The following BHMT2 variants were observed in gnomAD, a reference collection of about 807,000 sequenced individuals.
BHMT2 encodes S-methylmethionine--homocysteine S-methyltransferase BHMT2.
A neutral mutation model predicts 39.0 loss-of-function variants in BHMT2; 28 were observed. The ratio of observed to expected loss-of-function variants is 0.72; its 90% CI spans 0.53 to 0.98. BHMT2 has a LOEUF of 0.98. Among genes scored for constraint, BHMT2 ranks in the 50% least tolerant of loss-of-function variants. The pLI, the probability that BHMT2 is intolerant of heterozygous loss-of-function variation, is 0.00. For synonymous variants in BHMT2, 145 were observed against 160.6 expected, an observed-to-expected ratio of 0.90 and a Z score of 0.74; for missense variants, 410 against 455.6, an observed-to-expected ratio of 0.90 and a Z score of 0.91.
rs1160348166 is a variant in BHMT2, at chr5:79,083,834, A to C, written c.988A>C (p.Thr330Pro). 11 of 1,613,902 alleles carry C rather than the reference A, an allele frequency of 6.8e-6. No homozygotes were observed. ...CTGGGGAAGTGGTTTGGACATGCACACCAAACCCTGGATTAGAGCAAGGTA... is the reference window on the plus strand; with the variant it reads ...CTGGGGAAGTGGTTTGGACATGCACCCCAAACCCTGGATTAGAGCAAGGTA... ...GSWGSGLDMH[T>P]KPWIRARARR... is the part of the protein sequence containing the mutation. The change falls in exon 7 of 8, where the codon ACC becomes CCC. Residue 330 changes from threonine (T) to proline (P), a missense_variant. Physicochemically the swap from Thr to Pro is conservative, Grantham distance 38 (BLOSUM62 -1). Transcript: ENST00000255192.
chr5:79,070,405 C>G (rs1281307704), intron 1 of BHMT2, among the ~76,000 whole-genome samples: 1 of 152,112 alleles, frequency 6.6e-6, no homozygotes, highest in African/African-American at 2.4e-5. Flanking sequence ...CCTCCTCTCA[C>G]CCGGTGGTCC....
At position 79,083,878 on chromosome 5, in the gene BHMT2, T is replaced by C. The variant is rs758943612; in HGVS notation, c.1010+22T>C. 8 of 1,585,268 alleles carry C rather than the reference T, an allele frequency of 5.0e-6. No homozygotes were observed. In the African/African-American group the frequency reaches 9.5e-5, roughly 19 times the overall value. ...CAAGGTAAGCATTTTTAAATTAACA[T>C]TCTTATTATTTTCCTTTAATCTCAT... On this transcript the variant is annotated intron_variant, in intron 7 of 7. Coordinates refer to ENST00000255192, the MANE Select transcript of BHMT2 (RefSeq NM_017614.5).
In BHMT2 at chr5:79,080,769, G is replaced by A; in HGVS notation, c.341G>A (p.Cys114Tyr). 3 of 1,605,642 alleles carry A rather than the reference G, an allele frequency of 1.9e-6. No homozygotes were observed. The highest frequency in any genetic ancestry group is 2.5e-6 in the Non-Finnish European group (3 of 1,177,300). Residue 114 changes from cysteine (C) to tyrosine (Y), a missense_variant, in exon 4 of 8, where the codon TGC (cysteine) becomes TAC (tyrosine). Physicochemically the swap from Cys to Tyr is radical, Grantham distance 194 (BLOSUM62 -2). Transcript: ENST00000255192. ...GATGCTTTGGTAGCAGGGGGGATCT[G>A]CCAGACATCAATATACAAATACCAG... is the stretch of plus-strand genomic sequence containing the variant. ...KGDALVAGGI[C>Y]QTSIYKYQKD...
At chr5:79,085,290 G>A (rs2112704437) in intron 7 of BHMT2, among the ~76,000 whole-genome samples, 1 of 152,294 alleles carries the variant, frequency 6.6e-6, no homozygotes, top group Non-Finnish European at 1.5e-5. Flanking sequence ...GTTCCTACTT[G>A]AAAATACTGA....
intron 4 of BHMT2, among the ~76,000 whole-genome samples, chr5:79,081,877 A>G (rs562359021): frequency 2.6e-5 from 4 of 152,186 alleles, no homozygotes; most frequent in African/African-American, 9.6e-5. Context: ...AGAGAGAGAG[A>G]GAATAGCCGC....
intron 1 of BHMT2, 35 bp from the exon 2 acceptor site, chr5:79,077,445 G>C: frequency 6.4e-7 from 1 of 1,563,898 alleles, no homozygotes; most frequent in South Asian, 1.2e-5. Flanking sequence ...AAAAAAAGTA[G>C]AGCGGAGCTT....
intron 7 of BHMT2, among the ~76,000 whole-genome samples, chr5:79,085,654 C>G (rs969890768): frequency 6.6e-6 from 1 of 152,082 alleles, no homozygotes; most frequent in African/African-American, 2.4e-5. Context: ...TTAACTCTAG[C>G]CTGGGCAATA....
At chr5:79,083,027 T>C in intron 5 of BHMT2, 71 bp downstream of exon 5, 1 of 1,596,124 alleles carries the variant, frequency 6.3e-7, no homozygotes, top group Non-Finnish European at 8.6e-7. Context: ...GTGCTTGATA[T>C]TGTGAGAGCA....
intron 7 of BHMT2, among the ~76,000 whole-genome samples, chr5:79,084,386 G>A (rs1211655008): frequency 6.6e-6 from 1 of 152,054 alleles, no homozygotes; most frequent in Non-Finnish European, 1.5e-5. Flanking sequence ...AAGTAATTCT[G>A]CCTCTGCCTC....
chr5:79,082,702 G>T, intron 4 of BHMT2, 107 bp from the exon 5 acceptor site: 1 of 1,349,330 alleles, frequency 7.4e-7, no homozygotes, highest in South Asian at 1.4e-5. Context: ...TTATGCATAT[G>T]TTTATATTCT....
intron 1 of BHMT2, among the ~76,000 whole-genome samples, chr5:79,070,714 TAAA>T (rs1755550399): frequency 6.6e-6 from 1 of 152,166 alleles, no homozygotes. Context: ...GGATTCTAAA[TAAA>T]TTAAGGTTCA....
intron 3 of BHMT2, among the ~76,000 whole-genome samples, chr5:79,080,140 T>C (rs1333246733): frequency 3.3e-5 from 5 of 152,214 alleles, no homozygotes; most frequent in Non-Finnish European, 2.9e-5. Context: ...GGGTTTGATA[T>C]CCAGCATTGC....
chr5:79,073,892 A>G (rs140191398), intron 1 of BHMT2, among the ~76,000 whole-genome samples: 227 of 152,314 alleles, frequency 1.5e-3, no homozygotes, highest in African/African-American at 5.0e-3. Context: ...CCACTTTGCC[A>G]GACTCCTTTG....
At chr5:79,080,987 T>C (rs760601949) in intron 4 of BHMT2, 109 bp downstream of exon 4, 43 of 1,048,406 alleles carry the variant, frequency 4.1e-5, no homozygotes, top group African/African-American at 8.3e-5. Context: ...ATTTCTTCCA[T>C]GTGGATGGTC....
intron 2 of BHMT2, among the ~76,000 whole-genome samples, chr5:79,078,679 G>A (rs559944771): frequency 6.6e-6 from 1 of 152,354 alleles, no homozygotes; most frequent in South Asian, 2.1e-4. Context: ...GTTATGATTG[G>A]TGCATCGGAC....
chr5:79,085,913 AAAGT>A (rs1235825998), intron 7 of BHMT2, among the ~76,000 whole-genome samples: 1 of 152,058 alleles, frequency 6.6e-6, no homozygotes, highest in East Asian at 1.9e-4. Context: ...CCTCAGATTC[AAAGT>A]AAGAAGAAAG....
intron 7 of BHMT2, among the ~76,000 whole-genome samples, chr5:79,085,455 T>C (rs1394223132): frequency 6.6e-6 from 1 of 152,170 alleles, no homozygotes; most frequent in Non-Finnish European, 1.5e-5. Context: ...CCGAGGCTGG[T>C]GGATCACCTG....
chr5:79,081,250 TGA>T (rs1688961023), intron 4 of BHMT2, among the ~76,000 whole-genome samples: 1 of 152,188 alleles, frequency 6.6e-6, no homozygotes, highest in Admixed American at 6.5e-5. Flanking sequence ...GGCTGGGGAC[TGA>T]GAGAGCAAGG....
intron 7 of BHMT2, among the ~76,000 whole-genome samples, chr5:79,086,975 TATAG>T (rs1337808285): frequency 5.4e-5 from 8 of 148,504 alleles, no homozygotes; most frequent in Non-Finnish European, 1.2e-4. Context: ...TATCTTTCCA[TATAG>T]ATAATCTTTT....
Sources: allele counts gnomAD v4.1 joint callset (sites outside exome capture counted in the v4.1 genomes callset), GRCh38; gene constraint gnomAD v4.1.1; transcripts MANE v1.5; gene names NCBI Gene and HGNC (gene_info 2026-07-23, HGNC 2026-07-21).